Variants in ITSN1 observed in about 807,000 individuals in gnomAD.
ITSN1 encodes the protein intersectin 1.
Under a neutral mutation model 239.8 loss-of-function variants are expected in ITSN1, and 58 were observed. That is an observed-to-expected ratio of 0.24 (90% CI 0.20 to 0.30). The LOEUF is 0.30. Ranked by LOEUF, ITSN1 falls within the 10% of genes least tolerant of loss-of-function variation. The probability of loss-of-function intolerance (pLI) is 1.00; values close to 1 mark genes in which losing one functional copy is unlikely to be tolerated. For missense variants in ITSN1, 1,558 were observed against 2,103.3 expected (o/e 0.74, Z 5.07); for synonymous variants, 780 against 770.8 (o/e 1.01, Z -0.20).
intron 38 of ITSN1, 66 bp downstream of exon 38, chr21:33,885,588 C>G (rs1258562906): frequency 8.5e-7 from 1 of 1,175,898 alleles, no homozygotes; most frequent in Non-Finnish European, 1.3e-6. Flanking sequence ...TTCCCCACAC[C>G]CCCACCTGGC....
intron 6 of ITSN1, among the ~76,000 whole-genome samples, chr21:33,750,723 C>A (rs1187842253): frequency 6.6e-6 from 1 of 152,134 alleles, no homozygotes; most frequent in South Asian, 2.1e-4. Context: ...AGGAATAGAA[C>A]TATGTTGGGG....
chr21:33,664,566 G>A (rs2089795993), intron 1 of ITSN1, among the ~76,000 whole-genome samples: 2 of 152,080 alleles, frequency 1.3e-5, no homozygotes, highest in African/African-American at 4.8e-5. Flanking sequence ...AGATTTGGTG[G>A]GGACACATAG....
chr21:33,871,608 G>A (rs1242037708), intron 33 of ITSN1, among the ~76,000 whole-genome samples: 1 of 151,910 alleles, frequency 6.6e-6, no homozygotes, highest in Non-Finnish European at 1.5e-5. Context: ...GGGCATGGTG[G>A]TGCATGCCTG....
At chr21:33,688,688 C>T (rs1474063064) in intron 1 of ITSN1, among the ~76,000 whole-genome samples, 1 of 151,892 alleles carries the variant, frequency 6.6e-6, no homozygotes, top group Non-Finnish European at 1.5e-5. Context: ...TTCTGGGGTC[C>T]AAATAGGACC....
intron 14 of ITSN1, among the ~76,000 whole-genome samples, chr21:33,775,850 T>C (rs756218060): frequency 1.3e-5 from 2 of 152,218 alleles, no homozygotes; most frequent in Non-Finnish European, 2.9e-5. Flanking sequence ...GCACTTTTAG[T>C]AGTTCTGTCT....
At chr21:33,702,642 A>T (rs557363117) in intron 1 of ITSN1, among the ~76,000 whole-genome samples, 1 of 152,234 alleles carries the variant, frequency 6.6e-6, no homozygotes, top group South Asian at 2.1e-4. Flanking sequence ...CTAATTGTTT[A>T]TGTTTTGTTT....
At chr21:33,729,851 A>G (rs1329376927) in intron 4 of ITSN1, among the ~76,000 whole-genome samples, 1 of 152,152 alleles carries the variant, frequency 6.6e-6, no homozygotes, top group East Asian at 1.9e-4. Context: ...TTAGGAACAA[A>G]GGGACTCAGC....
chr21:33,794,836 C>T (rs1260782795), intron 17 of ITSN1, among the ~76,000 whole-genome samples: 1 of 152,198 alleles, frequency 6.6e-6, no homozygotes, highest in African/African-American at 2.4e-5. Flanking sequence ...GCTAGTGCCC[C>T]ACACAGGGCT....
At chr21:33,860,408 T>C (rs933296005) in intron 31 of ITSN1, among the ~76,000 whole-genome samples, 3 of 151,500 alleles carry the variant, frequency 2.0e-5, no homozygotes, top group Non-Finnish European at 4.4e-5. Flanking sequence ...AGGCGGGAGA[T>C]GTTTCTGAGC....
At chr21:33,787,498 G>A (rs1239901177) in intron 16 of ITSN1, among the ~76,000 whole-genome samples, 3 of 152,236 alleles carry the variant, frequency 2.0e-5, no homozygotes, top group East Asian at 1.9e-4. Flanking sequence ...GAACCGAATC[G>A]ATGTTGAAAT....
chr21:33,745,613 G>A lies in ITSN1; in HGVS notation c.347-4530G>A, dbSNP rs571273980. ...AACACTTCAGCTTGGTAATGTGGAG[G>A]GACAGGTTGTAAATATTAGCAGTCT... On this transcript the variant is annotated intron_variant, in intron 5 of 39. Transcript: ENST00000381318. Among the ~76,000 whole-genome samples the A allele has an allele frequency of 8.5e-5, 13 of 152,250 alleles. 1 individual carries two copies. The South Asian group carries it at 2.1e-3, about 24-fold the overall frequency.
At chr21:33,688,658 G>A (rs952789617) in intron 1 of ITSN1, among the ~76,000 whole-genome samples, 3 of 152,064 alleles carry the variant, frequency 2.0e-5, no homozygotes, top group Non-Finnish European at 4.4e-5. Context: ...GGGAACAACA[G>A]AAAAAATCCA....
chr21:33,867,222 T>C lies in ITSN1; in HGVS notation c.4075-11T>C. 1 of 1,552,966 alleles carries C rather than the reference T, an allele frequency of 6.4e-7. No individual in the cohort carries two copies. The highest frequency in any genetic ancestry group is 1.7e-4 in the Middle Eastern group (1 of 5,948). ...AGTTTCTTAAGTACATTTAAAAACATCTCATTTCAGAGATTGGCAATGGAT... is the reference window on the plus strand; with the variant it reads ...AGTTTCTTAAGTACATTTAAAAACACCTCATTTCAGAGATTGGCAATGGAT... On this transcript the variant is annotated splice_polypyrimidine_tract_variant and intron_variant, in intron 32 of 39. Transcript: ENST00000381318.
At chr21:33,771,481 A>G (rs545791546) in intron 11 of ITSN1, among the ~76,000 whole-genome samples, 7 of 152,222 alleles carry the variant, frequency 4.6e-5, no homozygotes, top group Admixed American at 3.9e-4. Flanking sequence ...AAAGTATTAG[A>G]AAAAAAAGGA....
At chr21:33,832,331 C>T (rs543677215) in intron 27 of ITSN1, among the ~76,000 whole-genome samples, 1 of 152,336 alleles carries the variant, frequency 6.6e-6, no homozygotes, top group Non-Finnish European at 1.5e-5. Context: ...GTGCCGGCAC[C>T]ACTCTTTAGT....
At chr21:33,784,943 A>T (rs1002411740) in intron 16 of ITSN1, among the ~76,000 whole-genome samples, 2 of 152,160 alleles carry the variant, frequency 1.3e-5, no homozygotes, top group African/African-American at 4.8e-5. Flanking sequence ...TGCAAAAATT[A>T]CTTCTGCCTT....
At chr21:33,670,916 A>G (rs1555856890) in intron 1 of ITSN1, among the ~76,000 whole-genome samples, 1 of 152,236 alleles carries the variant, frequency 6.6e-6, no homozygotes, top group Non-Finnish European at 1.5e-5. Context: ...ACTGTGAGCA[A>G]CTTTTGGTAA....
intron 25 of ITSN1, among the ~76,000 whole-genome samples, chr21:33,825,365 A>T (rs888721176): frequency 6.6e-6 from 1 of 152,192 alleles, no homozygotes; most frequent in African/African-American, 2.4e-5. Context: ...CTTTCGTCCT[A>T]CTTGAATACA....
intron 31 of ITSN1, among the ~76,000 whole-genome samples, chr21:33,860,014 A>G (rs1479007628): frequency 2.0e-5 from 3 of 152,278 alleles, no homozygotes; most frequent in African/African-American, 4.8e-5. Context: ...GTTCTCGTCT[A>G]CATAGACGAT....
Sources: gnomAD v4.1 joint callset for allele counts (sites outside exome capture counted in the v4.1 genomes callset) on GRCh38, gnomAD v4.1.1 for gene constraint, MANE v1.5 for transcripts, NCBI Gene and HGNC (gene_info 2026-07-23, HGNC 2026-07-21) for gene names.